Variants in PLXDC2 observed in about 807,000 individuals in gnomAD.
PLXDC2 encodes the protein plexin domain-containing protein 2.
Under a neutral mutation model 68.9 loss-of-function variants are expected in PLXDC2, and 40 were observed. That is an observed-to-expected ratio of 0.58 (90% CI 0.45 to 0.76). The LOEUF (loss-of-function observed/expected upper bound fraction) is 0.76. Among genes scored for constraint, PLXDC2 ranks in the 30% least tolerant of loss-of-function variants. The pLI is 0.00. For missense variants in PLXDC2, 644 were observed against 661.9 expected (o/e 0.97, Z 0.30); for synonymous variants, 243 against 234.2 (o/e 1.04, Z -0.34).
At chr10:20,051,534 T>A (rs1198572796) in intron 3 of PLXDC2, among the ~76,000 whole-genome samples, 1 of 151,008 alleles carries the variant, frequency 6.6e-6, no homozygotes, top group Non-Finnish European at 1.5e-5. Flanking sequence ...AACCCTATTT[T>A]TAATACTCTT....
chr10:19,937,564 A>ATATATATT (rs1833746342), intron 1 of PLXDC2, among the ~76,000 whole-genome samples: 1 of 140,564 alleles, frequency 7.1e-6, no homozygotes, highest in African/African-American at 2.7e-5. Flanking sequence ...ATATATATAT[A>ATATATATT]TATATATATA....
At chr10:20,172,382 T>C (rs990627780) in intron 7 of PLXDC2, among the ~76,000 whole-genome samples, 3 of 152,156 alleles carry the variant, frequency 2.0e-5, no homozygotes, top group Admixed American at 1.3e-4. Context: ...GGAACCGTGA[T>C]ATTGTCACAG....
At chr10:19,938,381 G>T (rs1409339) in intron 1 of PLXDC2, among the ~76,000 whole-genome samples, 3 of 151,968 alleles carry the variant, frequency 2.0e-5, no homozygotes, top group Non-Finnish European at 2.9e-5. Context: ...ATTGACTCAT[G>T]GTTCTCCACG....
intron 1 of PLXDC2, among the ~76,000 whole-genome samples, chr10:19,865,140 C>T (rs903825307): frequency 3.3e-5 from 5 of 152,134 alleles, no homozygotes; most frequent in Non-Finnish European, 5.9e-5. Flanking sequence ...TCTGCATAGA[C>T]CCAGTGATGA....
At chr10:19,920,019 A>G (rs1267363907) in intron 1 of PLXDC2, among the ~76,000 whole-genome samples, 1 of 152,236 alleles carries the variant, frequency 6.6e-6, no homozygotes, top group Non-Finnish European at 1.5e-5. Context: ...ATTTTATAAC[A>G]ACAACATTCT....
chr10:20,045,060 C>G (rs1472478268), intron 2 of PLXDC2, among the ~76,000 whole-genome samples: 3 of 152,174 alleles, frequency 2.0e-5, no homozygotes, highest in African/African-American at 7.2e-5. Context: ...CATGATCTTC[C>G]TTATTCTTTC....
chr10:20,112,006 A>G (rs1257084589), intron 4 of PLXDC2, among the ~76,000 whole-genome samples: 1 of 152,152 alleles, frequency 6.6e-6, no homozygotes, highest in African/African-American at 2.4e-5. Flanking sequence ...CTCTCTTATG[A>G]AGAGTCATTA....
chr10:19,884,420 G>A (rs961910176), intron 1 of PLXDC2, among the ~76,000 whole-genome samples: 2 of 151,926 alleles, frequency 1.3e-5, no homozygotes, highest in Non-Finnish European at 2.9e-5. Context: ...AGTTACATAT[G>A]TATACATGTG....
At chr10:19,841,761 T>C (rs1285889747) in intron 1 of PLXDC2, among the ~76,000 whole-genome samples, 1 of 152,154 alleles carries the variant, frequency 6.6e-6, no homozygotes, top group Non-Finnish European at 1.5e-5. Flanking sequence ...TAGGAAACTT[T>C]CAGTAAGTGC....
intron 9 of PLXDC2, among the ~76,000 whole-genome samples, chr10:20,179,798 A>G (rs994282563): frequency 2.0e-5 from 3 of 152,120 alleles, no homozygotes; most frequent in Non-Finnish European, 2.9e-5. Context: ...ATTTTCAAAT[A>G]TCAAACTTAA....
intron 1 of PLXDC2, among the ~76,000 whole-genome samples, chr10:19,837,407 A>T (rs199819494): frequency 5.4e-4 from 47 of 87,614 alleles, no homozygotes; most frequent in South Asian, 1.1e-3. Context: ...AGAGAGAGAG[A>T]GAGTGTGTGT....
intron 4 of PLXDC2, among the ~76,000 whole-genome samples, chr10:20,116,082 C>G (rs1197882849): frequency 1.3e-5 from 2 of 152,204 alleles, no homozygotes; most frequent in African/African-American, 4.8e-5. Context: ...CGCTGCTCCT[C>G]TACAAAAGCT....
At chr10:20,240,425 T>G (rs879731985) in intron 12 of PLXDC2, among the ~76,000 whole-genome samples, 2 of 152,144 alleles carry the variant, frequency 1.3e-5, no homozygotes, top group Admixed American at 1.3e-4. Flanking sequence ...ATAATTTGTA[T>G]CCTTTTGAGT....
At chr10:20,239,808 G>T (rs1027176595) in intron 12 of PLXDC2, among the ~76,000 whole-genome samples, 1 of 152,144 alleles carries the variant, frequency 6.6e-6, no homozygotes, top group Non-Finnish European at 1.5e-5. Context: ...TGTATTTTCT[G>T]CAGGAGGGAA....
intron 7 of PLXDC2, among the ~76,000 whole-genome samples, 184 bp from the exon 8 acceptor site, chr10:20,176,815 A>G (rs1248815797): frequency 6.6e-6 from 1 of 152,170 alleles, no homozygotes; most frequent in Non-Finnish European, 1.5e-5. Context: ...TCGCTGATAA[A>G]AAGACTTCTG....
Position 20,179,437 on chromosome 10 carries a change from T to A in PLXDC2, c.1061+2028T>A, listed in dbSNP as rs12248801. 8.4e-3 allele frequency among the ~76,000 whole-genome samples: 1,274 copies of A among 152,216 alleles called. 17 individuals are homozygous for A. The highest frequency in any genetic ancestry group is 0.029 in the African/African-American group (1,193 of 41,558). ...GATTAGCTTCCAAACGAAGGAATCA[T>A]GCTAAAATTTGTCTAGCACAAAGGG... On this transcript the variant is annotated intron_variant, in intron 9 of 13. Coordinates refer to ENST00000377252, the MANE Select transcript of PLXDC2 (RefSeq NM_032812.9).
intron 1 of PLXDC2, among the ~76,000 whole-genome samples, chr10:19,986,105 A>G (rs7900457): frequency 0.21 from 31,426 of 152,154 alleles, 3,336 homozygotes; most frequent in East Asian, 0.38. Context: ...GAATGAATGG[A>G]TGAATTTACA....
intron 1 of PLXDC2, among the ~76,000 whole-genome samples, chr10:19,993,864 A>C (rs1472946529): frequency 6.6e-6 from 1 of 152,234 alleles, no homozygotes; most frequent in Non-Finnish European, 1.5e-5. Context: ...CTTCAAAGGC[A>C]GAGAAGGGTA....
chr10:19,970,027 G>A (rs1589562459), intron 1 of PLXDC2, among the ~76,000 whole-genome samples: 2 of 152,164 alleles, frequency 1.3e-5, no homozygotes, highest in South Asian at 2.1e-4. Flanking sequence ...AAGCAATAGA[G>A]GGCATTGGAA....
Sources: gnomAD v4.1 joint callset for allele counts (sites outside exome capture counted in the v4.1 genomes callset) on GRCh38, gnomAD v4.1.1 for gene constraint, MANE v1.5 for transcripts, NCBI Gene and HGNC (gene_info 2026-07-23, HGNC 2026-07-21) for gene names.